The following USP37 variants were observed in gnomAD, a reference collection of about 807,000 sequenced individuals.
USP37 encodes ubiquitin carboxyl-terminal hydrolase 37.
Under a neutral mutation model 124.0 loss-of-function variants are expected in USP37, and 27 were observed. The ratio of observed to expected loss-of-function variants is 0.22; its 90% CI spans 0.16 to 0.30. USP37 has a LOEUF of 0.30. Ranked by LOEUF, USP37 falls within the 10% of genes least tolerant of loss-of-function variation. USP37 has a pLI of 1.00. For synonymous variants in USP37, 365 were observed against 388.0 expected (o/e 0.94, Z 0.70); for missense variants, 889 against 1,140.4 (o/e 0.78, Z 3.17).
At chr2:218,548,533 A>G (rs1279824241) in intron 6 of USP37, among the ~76,000 whole-genome samples, 1 of 151,838 alleles carries the variant, frequency 6.6e-6, no homozygotes, top group Non-Finnish European at 1.5e-5. Flanking sequence ...TTGTAGAGAC[A>G]GGGTTTCACA....
chr2:218,539,797 G>A (rs1430404375), intron 8 of USP37, among the ~76,000 whole-genome samples: 2 of 152,038 alleles, frequency 1.3e-5, no homozygotes, highest in East Asian at 1.9e-4. Flanking sequence ...GGATCACGAT[G>A]TCAGGAGTTC....
At chr2:218,546,579 A>C (rs868193925) in intron 7 of USP37, among the ~76,000 whole-genome samples, 1 of 152,050 alleles carries the variant, frequency 6.6e-6, no homozygotes, top group South Asian at 2.1e-4. Context: ...CCACCACACC[A>C]GGCTAATTTT....
chr2:218,486,192 G>C (rs1320220236), intron 15 of USP37: 1 of 153,290 alleles, frequency 6.5e-6, no homozygotes, highest in Non-Finnish European at 1.5e-5. Context: ...ATCTTCTCGT[G>C]ACAGCCCACT....
intron 10 of USP37, among the ~76,000 whole-genome samples, chr2:218,512,035 T>C (rs943471329): frequency 3.3e-5 from 5 of 152,148 alleles, no homozygotes; most frequent in Non-Finnish European, 7.4e-5. Flanking sequence ...TGTTCCCAAA[T>C]TACTTATTGT....
chr2:218,560,963 ACTCAT>A (rs1693275342), intron 2 of USP37, 80 bp from the exon 3 acceptor site: 1 of 152,104 alleles, frequency 6.6e-6, no homozygotes, highest in Non-Finnish European at 1.5e-5. Flanking sequence ...ATTATTATTC[ACTCAT>A]CTCATCAAAA....
In USP37 at chr2:218,530,084, AC is replaced by A. The variant is rs1553553410; in HGVS notation, c.779-45del. ...AAGGAAAAACTTAATTCCTAAATCA[AC>A]CATTCAAGTTCATTTAATAATAAAA... On this transcript the variant is annotated intron_variant, in intron 9 of 25. Transcript: ENST00000258399. 9 of 1,458,614 alleles carry A rather than the reference AC, an allele frequency of 6.2e-6. No homozygotes were observed. The African/African-American group carries it at 7.1e-5, about 12-fold the overall frequency. The allele number at this position is 1,458,614 out of a possible 1,614,324, so 90.4% of individuals were successfully genotyped here.
rs1470482746 is a variant in USP37, at chr2:218,529,482, A to C, written c.863+474T>G. On this transcript the variant is annotated intron_variant, in intron 10 of 25. Coordinates refer to ENST00000258399, the MANE Select transcript of USP37 (RefSeq NM_020935.3). ...GGGCGAGACTTGGTCTCAAACAAAA[A>C]AAAAAAAAAAAAAAATTCTGTAGAG... 2.2e-5 allele frequency among the ~76,000 whole-genome samples: 3 copies of C among 137,874 alleles called. No homozygotes were observed. The East Asian group carries it at 5.8e-4, about 27-fold the overall frequency. The allele number at this position is 137,874 out of a possible 152,430, so 90.5% of individuals were successfully genotyped here.
chr2:218,554,746 C>CAAAA (rs35776200), intron 4 of USP37, among the ~76,000 whole-genome samples: 1 of 121,998 alleles, frequency 8.2e-6, no homozygotes. Flanking sequence ...AACTTTGTCT[C>CAAAA]AAAAAAAAAA....
chr2:218,482,381 A>G, intron 16 of USP37, 147 bp from the exon 17 acceptor site: 1 of 803,286 alleles, frequency 1.2e-6, no homozygotes, highest in Non-Finnish European at 1.8e-6. Context: ...ATATTTACTG[A>G]ATACCTGTTA....
At chr2:218,488,883 C>T (rs1364491720) in intron 14 of USP37, among the ~76,000 whole-genome samples, 2 of 152,074 alleles carry the variant, frequency 1.3e-5, no homozygotes, top group Non-Finnish European at 2.9e-5. Flanking sequence ...GATTCTCCTG[C>T]CTTAGCCTCC....
At chr2:218,560,963 A>G (rs1693275018) in intron 2 of USP37, 80 bp from the exon 3 acceptor site, 2 of 152,104 alleles carry the variant, frequency 1.3e-5, no homozygotes. Flanking sequence ...ATTATTATTC[A>G]CTCATCTCAT....
chr2:218,497,727 T>C lies in USP37; in HGVS notation c.1281+7A>G, dbSNP rs1689155671. 15 of 1,613,646 alleles carry C rather than the reference T, an allele frequency of 9.3e-6. No homozygotes were observed. Among genetic ancestry groups the C allele is most frequent in the Non-Finnish European group, 1.3e-5 (15 of 1,179,892 alleles). On this transcript the variant is annotated splice_region_variant and intron_variant, in intron 13 of 25. Coordinates refer to ENST00000258399, the MANE Select transcript of USP37 (RefSeq NM_020935.3). ...CTCTGAAACGTTTTAAAACAATTAA[T>C]ACTCACATTCTGCATATAACCAGAG...
chr2:218,535,616 G>T (rs1390349377), intron 8 of USP37, among the ~76,000 whole-genome samples: 2 of 152,102 alleles, frequency 1.3e-5, no homozygotes, highest in East Asian at 3.9e-4. Context: ...CAGCACTTTG[G>T]GAGGCCGAGG....
rs569734201 is a variant in USP37, at chr2:218,478,512, TG to T, written c.1901+1137del. Among the ~76,000 whole-genome samples, 7 of 152,356 alleles carry T rather than the reference TG, an allele frequency of 4.6e-5. No homozygotes were observed. In the South Asian group the frequency reaches 1.4e-3, roughly 32 times the overall value. On this transcript the variant is annotated intron_variant, in intron 18 of 25. Coordinates refer to ENST00000258399, the MANE Select transcript of USP37 (RefSeq NM_020935.3). Reference sequence around the variant, plus strand: ...CAGCCTCTTTTAAGTTTGATCGGCATGACAGGTCTTCTAGGGCCTAATCATT... The same window carrying T: ...CAGCCTCTTTTAAGTTTGATCGGCATACAGGTCTTCTAGGGCCTAATCATT...
At chr2:218,516,794 T>G (rs1380319749) in intron 10 of USP37, among the ~76,000 whole-genome samples, 1 of 152,222 alleles carries the variant, frequency 6.6e-6, no homozygotes, top group East Asian at 1.9e-4. Context: ...CCTAGTGGAC[T>G]GAGCTAGGAA....
intron 11 of USP37, among the ~76,000 whole-genome samples, chr2:218,499,215 A>C (rs1322994766): frequency 1.3e-5 from 2 of 152,226 alleles, no homozygotes; most frequent in African/African-American, 4.8e-5. Context: ...CGGAGCTTGC[A>C]GTAAGCTGAG....
intron 12 of USP37, 74 bp downstream of exon 12, chr2:218,497,950 TGA>T (rs927449988): frequency 6.4e-7 from 1 of 1,570,514 alleles, no homozygotes; most frequent in Non-Finnish European, 8.6e-7. Context: ...AGAAAATTTT[TGA>T]GTGTCTAAAA....
chr2:218,457,077 A>G lies in USP37; in HGVS notation c.2713+15T>C. 6.2e-7 allele frequency: 1 copy of G among 1,612,972 alleles called. No individual in the cohort carries two copies. The highest frequency in any genetic ancestry group is 8.5e-7 in the Non-Finnish European group (1 of 1,179,318). ...AGTTCATTTATAAAATGCTGAAATC[A>G]TGATGGCTATTCACCTGAAGAAGAA... On this transcript the variant is annotated intron_variant, in intron 24 of 25. Coordinates refer to ENST00000258399, the MANE Select transcript of USP37 (RefSeq NM_020935.3).
intron 20 of USP37, among the ~76,000 whole-genome samples, chr2:218,468,137 C>A (rs1690466845): frequency 6.6e-6 from 1 of 151,716 alleles, no homozygotes; most frequent in Admixed American, 6.6e-5. Context: ...GATCCGCCCA[C>A]CTCGGCCTCC....
Sources: allele counts gnomAD v4.1 joint callset (sites outside exome capture counted in the v4.1 genomes callset), GRCh38; gene constraint gnomAD v4.1.1; transcripts MANE v1.5; gene names NCBI Gene and HGNC (gene_info 2026-07-23, HGNC 2026-07-21).